The following RELN variants were observed in gnomAD, a reference collection of about 807,000 sequenced individuals.
RELN encodes reelin.
A neutral mutation model predicts 427.6 loss-of-function variants in RELN; 108 were observed. The observed-to-expected ratio is 0.25, with a 90% CI of 0.22 to 0.30. The LOEUF (loss-of-function observed/expected upper bound fraction) is 0.30. Among genes scored for constraint, RELN ranks in the 10% least tolerant of loss-of-function variants. The pLI is 1.00. For missense variants in RELN, 3,715 were observed against 4,302.8 expected (o/e 0.86, Z 3.82); for synonymous variants, 1,524 against 1,513.4 (o/e 1.01, Z -0.16).
intron 1 of RELN, among the ~76,000 whole-genome samples, chr7:103,976,430 C>G (rs7787675): frequency 6.6e-6 from 1 of 152,062 alleles, no homozygotes; most frequent in Admixed American, 6.5e-5. Flanking sequence ...TAGGAGCCTA[C>G]TGTAATATCC....
chr7:103,475,258 G>A (rs1209493291), intron 64 of RELN, among the ~76,000 whole-genome samples: 4 of 150,962 alleles, frequency 2.6e-5, no homozygotes, highest in Non-Finnish European at 2.9e-5. Flanking sequence ...CTCATTTCCT[G>A]CTTTGAAGGA....
chr7:103,770,579 A>T (rs935686613), intron 4 of RELN, among the ~76,000 whole-genome samples: 1 of 152,082 alleles, frequency 6.6e-6, no homozygotes, highest in Non-Finnish European at 1.5e-5. Flanking sequence ...ACACACTCTG[A>T]TTTGGAGAGA....
Position 103,753,177 on chromosome 7 carries a change from C to T in RELN, c.577+5G>A, listed in dbSNP as rs779921655. On this transcript the variant is annotated splice_donor_5th_base_variant and intron_variant, in intron 5 of 64. Coordinates refer to ENST00000428762, the MANE Select transcript of RELN (RefSeq NM_005045.4). ...GTTAATGACATCAGAGTCTTAAACA[C>T]TTACCTAGATGTGGGTGCACAGTGA... The T allele has an allele frequency of 6.2e-7, 1 of 1,613,770 alleles. No homozygotes were observed. Among genetic ancestry groups the T allele is most frequent in the Non-Finnish European group, 8.5e-7 (1 of 1,179,842 alleles).
chr7:103,814,949 T>A lies in RELN; in HGVS notation c.473+18588A>T, dbSNP rs963597042. Among the ~76,000 whole-genome samples the A allele has an allele frequency of 2.9e-4, 44 of 152,192 alleles. 1 individual carries two copies. Among genetic ancestry groups the A allele is most frequent in the Non-Finnish European group, 1.5e-5 (1 of 68,018 alleles). On this transcript the variant is annotated intron_variant, in intron 3 of 64. Transcript: ENST00000428762. The stretch of plus-strand genomic sequence containing the variant: ...ATCCAAGCTAATTTATACATCTTTG[T>A]CCAGAGGAAGGGACAGTTGCAAAGT...
chr7:103,865,430 A>C lies in RELN; in HGVS notation c.338-31758T>G, dbSNP rs373001289. On this transcript the variant is annotated intron_variant, in intron 2 of 64. Coordinates refer to ENST00000428762, the MANE Select transcript of RELN (RefSeq NM_005045.4). Reference sequence around the variant, plus strand: ...AGCATTACCTCGATACCAAAGCTAGATGAAAAAGTATTACACTAAAAGAAA... The same window carrying C: ...AGCATTACCTCGATACCAAAGCTAGCTGAAAAAGTATTACACTAAAAGAAA... Among the ~76,000 whole-genome samples, 81 of 152,262 alleles carry C rather than the reference A, an allele frequency of 5.3e-4. No homozygotes were observed. The South Asian group carries it at 0.017, about 32-fold the overall frequency.
At chr7:103,738,672 CTTTTTTTTTTTTTTT>C (rs57390524) in intron 6 of RELN, among the ~76,000 whole-genome samples, 10 of 70,466 alleles carry the variant, frequency 1.4e-4, no homozygotes, top group Non-Finnish European at 2.3e-4. Context: ...TCCTTCCTTC[CTTTTTTTTTTTTTTT>C]TTTTTTTTTT....
intron 20 of RELN, among the ~76,000 whole-genome samples, chr7:103,618,541 C>G (rs1265659960): frequency 6.6e-6 from 1 of 152,190 alleles, no homozygotes; most frequent in African/African-American, 2.4e-5. Flanking sequence ...TGGGTTATGT[C>G]AGGAATCAAA....
intron 1 of RELN, among the ~76,000 whole-genome samples, chr7:103,929,989 G>C (rs1050073525): frequency 1.3e-5 from 2 of 152,186 alleles, no homozygotes; most frequent in African/African-American, 4.8e-5. Flanking sequence ...AAATAATGAG[G>C]ATCATTGTCT....
At position 103,902,828 on chromosome 7, in the gene RELN, A is replaced by C. The variant is rs74395563; in HGVS notation, c.337+14247T>G. Among the ~76,000 whole-genome samples, 873 of 152,262 alleles carry C rather than the reference A, an allele frequency of 5.7e-3. 5 individuals carry two copies. The highest frequency in any genetic ancestry group is 0.014 in the Middle Eastern group (4 of 294). ...TATTGGACTCCTACATCTACTTTCA[A>C]ATTCATATGTTGCATCAAGAACTAT... On this transcript the variant is annotated intron_variant, in intron 2 of 64. Coordinates refer to ENST00000428762, the MANE Select transcript of RELN (RefSeq NM_005045.4).
chr7:103,938,868 T>C (rs1246212244), intron 1 of RELN, among the ~76,000 whole-genome samples: 1 of 152,154 alleles, frequency 6.6e-6, no homozygotes, highest in Non-Finnish European at 1.5e-5. Flanking sequence ...AAGGTGATCA[T>C]GAAGGGAAAA....
chr7:103,476,118 G>GAT (rs1204462863), intron 64 of RELN, among the ~76,000 whole-genome samples: 2 of 152,032 alleles, frequency 1.3e-5, no homozygotes, highest in East Asian at 3.9e-4. Flanking sequence ...TGAGAATGTT[G>GAT]ATATGCATAT....
chr7:103,843,284 A>G (rs1793598803), intron 2 of RELN, among the ~76,000 whole-genome samples: 1 of 151,962 alleles, frequency 6.6e-6, no homozygotes, highest in Non-Finnish European at 1.5e-5. Context: ...AGCTCACTGC[A>G]GCCTCAACTT....
At chr7:103,675,975 T>A (rs565433946) in intron 11 of RELN, among the ~76,000 whole-genome samples, 2 of 152,252 alleles carry the variant, frequency 1.3e-5, no homozygotes, top group African/African-American at 2.4e-5. Context: ...GACATAGGCA[T>A]GGGCAAGGAC....
At position 103,540,426 on chromosome 7, in the gene RELN, C is replaced by T; in HGVS notation, c.6701G>A (p.Cys2234Tyr). The T allele has an allele frequency of 1.9e-6, 3 of 1,614,004 alleles. No individual in the cohort carries two copies. Among genetic ancestry groups the T allele is most frequent in the Non-Finnish European group, 2.5e-6 (3 of 1,179,986 alleles). Reference sequence around the variant, plus strand: ...CCTGGGGTCAGGAACGCCTTTACCACATCCCAGTCTCATGAAGAACTGCAC... The same window carrying T: ...CCTGGGGTCAGGAACGCCTTTACCATATCCCAGTCTCATGAAGAACTGCAC... ...RFVQFFMRLG[C>Y]GKGVPDPRSQ... is the part of the protein sequence containing the mutation. The change falls in exon 44 of 65, where the codon TGT (cysteine) becomes TAT (tyrosine). Residue 2234 changes from cysteine (C) to tyrosine (Y), a missense_variant. Coordinates refer to ENST00000428762, the MANE Select transcript of RELN (RefSeq NM_005045.4).
At chr7:103,847,805 T>C (rs957683141) in intron 2 of RELN, among the ~76,000 whole-genome samples, 2 of 152,176 alleles carry the variant, frequency 1.3e-5, no homozygotes, top group African/African-American at 4.8e-5. Flanking sequence ...GTGGCCTGCA[T>C]ATGTGTAAAA....
At chr7:103,859,806 T>C (rs556283024) in intron 2 of RELN, among the ~76,000 whole-genome samples, 25 of 152,284 alleles carry the variant, frequency 1.6e-4, no homozygotes, top group African/African-American at 5.3e-4. Context: ...TTTTTAAAAA[T>C]GTGAGTAAGT....
rs1584250887 is a variant in RELN, at chr7:103,510,906, A to C, written c.8219T>G (p.Val2740Gly). 1 of 1,613,262 alleles carries C rather than the reference A, an allele frequency of 6.2e-7. No homozygotes were observed. The highest frequency in any genetic ancestry group is 1.1e-5 in the South Asian group (1 of 91,048). ...MLCGSHDGRE[V>G]YAVTHDLTPT... ...AGTCAGGTCATGGGTCACTGCATACACCTCCCGTCCATCATGACTGCCACA... is the reference window on the plus strand; with the variant it reads ...AGTCAGGTCATGGGTCACTGCATACCCCTCCCGTCCATCATGACTGCCACA... Residue 2740 changes from valine to glycine, a missense_variant, in exon 51 of 65, where the codon GTG becomes GGG. Around this residue, in one of 4 missense-constraint regions of RELN, gnomAD observed 1,310 missense variants for 1,643.0 expected, o/e 0.80. Coordinates refer to ENST00000428762, the MANE Select transcript of RELN (RefSeq NM_005045.4).
chr7:103,742,931 G>A (rs543129017), intron 6 of RELN, among the ~76,000 whole-genome samples: 4 of 151,812 alleles, frequency 2.6e-5, no homozygotes, highest in Admixed American at 6.6e-5. Flanking sequence ...GATACTCCTC[G>A]AGAAGAGCAA....
At chr7:103,701,047 G>T in intron 8 of RELN, 41 bp from the exon 9 acceptor site, 1 of 1,108,218 alleles carries the variant, frequency 9.0e-7, no homozygotes, top group South Asian at 1.2e-5. Context: ...GTTAAAAAAT[G>T]GTGCAAATAC....
Sources: allele counts gnomAD v4.1 joint callset (sites outside exome capture counted in the v4.1 genomes callset), GRCh38; gene constraint gnomAD v4.1.1; regional missense constraint gnomAD v4.1.1; transcripts MANE v1.5; gene names NCBI Gene and HGNC (gene_info 2026-07-23, HGNC 2026-07-21).